The following CAPZB variants were observed in gnomAD, a reference collection of about 807,000 sequenced individuals.
CAPZB encodes F-actin-capping protein subunit beta.
Under a neutral mutation model 38.1 loss-of-function variants are expected in CAPZB, and 2 were observed. That is an observed-to-expected ratio of 0.05 (90% confidence interval 0.02 to 0.17). CAPZB has a LOEUF of 0.17. CAPZB is among the 10% of genes least tolerant of loss of function. The pLI is 1.00. For synonymous variants in CAPZB, 107 were observed against 127.4 expected, an observed-to-expected ratio of 0.84 and a Z score of 1.08; for missense variants, 161 against 334.2, an observed-to-expected ratio of 0.48 and a Z score of 4.04.
At chr1:19,458,501 C>G (rs2094540290) in intron 1 of CAPZB, among the ~76,000 whole-genome samples, 1 of 152,058 alleles carries the variant, frequency 6.6e-6, no homozygotes, top group Non-Finnish European at 1.5e-5. Context: ...ATTACAGGTG[C>G]CTGCCACCAA....
chr1:19,426,349 G>A (rs2094422418), intron 1 of CAPZB, among the ~76,000 whole-genome samples: 1 of 151,858 alleles, frequency 6.6e-6, no homozygotes, highest in South Asian at 2.1e-4. Context: ...AGGCGAAGCA[G>A]ATTATATTTT....
chr1:19,447,149 T>C (rs1393046957), intron 1 of CAPZB, among the ~76,000 whole-genome samples: 2 of 152,166 alleles, frequency 1.3e-5, no homozygotes, highest in African/African-American at 4.8e-5. Context: ...CTCTTTCTTC[T>C]ATCATCCTTC....
At chr1:19,348,868 T>C (rs1401865215) in intron 6 of CAPZB, among the ~76,000 whole-genome samples, 2 of 152,110 alleles carry the variant, frequency 1.3e-5, no homozygotes, top group African/African-American at 4.8e-5. Context: ...AAGGCTGTTT[T>C]ACTGAGGACT....
At chr1:19,468,376 T>G (rs538350966) in intron 1 of CAPZB, among the ~76,000 whole-genome samples, 37 of 152,310 alleles carry the variant, frequency 2.4e-4, no homozygotes, top group African/African-American at 8.7e-4. Flanking sequence ...CCCTTGCCAC[T>G]GGTGCTCACA....
chr1:19,440,692 G>C (rs938288824), intron 1 of CAPZB, among the ~76,000 whole-genome samples: 2 of 152,180 alleles, frequency 1.3e-5, no homozygotes, highest in Non-Finnish European at 2.9e-5. Context: ...AGGCATCCGT[G>C]CACCCAACGC....
At chr1:19,469,026 C>T (rs1038681777) in intron 1 of CAPZB, among the ~76,000 whole-genome samples, 1 of 152,222 alleles carries the variant, frequency 6.6e-6, no homozygotes, top group South Asian at 2.1e-4. Context: ...CTCCATATAG[C>T]GACGGCAAGT....
Position 19,371,980 on chromosome 1 carries a change from TG to T in CAPZB, c.329+6559del, listed in dbSNP as rs762345014. 1.1e-4 allele frequency among the ~76,000 whole-genome samples: 17 copies of T among 151,862 alleles called. 1 individual carries two copies. The East Asian group carries it at 2.1e-3, about 19-fold the overall frequency. ...GTGCTGGGGAGCCCAGGCCGGGGGG[TG>T]GGGCCCATCCACCCAGCTCCTGGCT... On this transcript the variant is annotated intron_variant, in intron 4 of 8. Transcript: ENST00000264202.
At chr1:19,475,619 G>T (rs1020737671) in intron 1 of CAPZB, among the ~76,000 whole-genome samples, 9 of 152,188 alleles carry the variant, frequency 5.9e-5, no homozygotes, top group Non-Finnish European at 1.3e-4. Flanking sequence ...TGACAACTGG[G>T]TAGGCCCTAG....
intron 4 of CAPZB, among the ~76,000 whole-genome samples, chr1:19,367,705 A>C (rs938731156): frequency 3.9e-5 from 6 of 152,162 alleles, no homozygotes; most frequent in Non-Finnish European, 8.8e-5. Flanking sequence ...CAACATACCA[A>C]TCAGCTTAGG....
chr1:19,464,450 C>T (rs2094562563), intron 1 of CAPZB, among the ~76,000 whole-genome samples: 1 of 151,818 alleles, frequency 6.6e-6, no homozygotes, highest in South Asian at 2.1e-4. Flanking sequence ...CGCCACCATG[C>T]CCGGCTAATT....
chr1:19,358,134 C>T (rs2094032009), intron 4 of CAPZB, among the ~76,000 whole-genome samples: 1 of 152,214 alleles, frequency 6.6e-6, no homozygotes, highest in Admixed American at 6.5e-5. Context: ...AATGCAAAAA[C>T]ATCTTTTCTT....
chr1:19,429,731 G>A (rs1266329191), intron 1 of CAPZB, among the ~76,000 whole-genome samples: 4 of 152,120 alleles, frequency 2.6e-5, no homozygotes, highest in Admixed American at 2.0e-4. Flanking sequence ...TCCCTCACTT[G>A]ACACAGGTTT....
intron 1 of CAPZB, 86 bp downstream of exon 1, chr1:19,485,350 C>T: frequency 1.0e-6 from 1 of 992,206 alleles, no homozygotes; most frequent in South Asian, 5.1e-5. Context: ...GGAAGCCACC[C>T]GTCCCAGGCC....
intron 2 of CAPZB, among the ~76,000 whole-genome samples, chr1:19,403,533 C>T (rs189155757): frequency 6.6e-6 from 1 of 152,352 alleles, no homozygotes. Flanking sequence ...AGGGCCAGAT[C>T]AAGAGCTCTT....
chr1:19,341,579 G>T (rs1209517492), intron 8 of CAPZB, among the ~76,000 whole-genome samples: 2 of 152,240 alleles, frequency 1.3e-5, no homozygotes, highest in African/African-American at 2.4e-5. Flanking sequence ...TCAGCGCTTG[G>T]AGACAGTGCT....
intron 1 of CAPZB, among the ~76,000 whole-genome samples, chr1:19,436,499 C>G (rs1403370111): frequency 6.6e-6 from 1 of 152,148 alleles, no homozygotes; most frequent in Admixed American, 6.6e-5. Flanking sequence ...AAGGGAAAAA[C>G]TATATGCGGA....
intron 2 of CAPZB, among the ~76,000 whole-genome samples, chr1:19,387,876 C>T (rs1156275345): frequency 6.6e-6 from 1 of 152,214 alleles, no homozygotes; most frequent in Non-Finnish European, 1.5e-5. Context: ...GGGAAATGCA[C>T]GTATGTTACT....
intron 2 of CAPZB, among the ~76,000 whole-genome samples, chr1:19,393,594 C>T (rs1477857907): frequency 6.6e-6 from 1 of 152,222 alleles, no homozygotes; most frequent in Admixed American, 6.5e-5. Flanking sequence ...CCAGGCCCCA[C>T]CGGGTCAACA....
chr1:19,480,718 T>C (rs1463107495), intron 1 of CAPZB, among the ~76,000 whole-genome samples: 1 of 152,240 alleles, frequency 6.6e-6, no homozygotes, highest in Non-Finnish European at 1.5e-5. Flanking sequence ...CATGAGGCTC[T>C]GGCAACACAT....
Sources: gnomAD v4.1 joint callset for allele counts (sites outside exome capture counted in the v4.1 genomes callset) on GRCh38, gnomAD v4.1.1 for gene constraint, MANE v1.5 for transcripts, NCBI Gene and HGNC (gene_info 2026-07-23, HGNC 2026-07-21) for gene names.